The following SSH2 variants were observed in gnomAD, a reference collection of about 807,000 sequenced individuals.
SSH2 encodes protein phosphatase Slingshot homolog 2.
In SSH2, 37 loss-of-function variants were observed where a neutral mutation model predicts 135.2. The ratio of observed to expected loss-of-function variants is 0.27; its 90% CI spans 0.21 to 0.36. The LOEUF is 0.36. Ranked by LOEUF, SSH2 falls within the 10% of genes least tolerant of loss-of-function variation. SSH2 has a pLI of 1.00. For missense variants in SSH2, 1,408 were observed against 1,765.3 expected, an observed-to-expected ratio of 0.80 and a Z score of 3.63; for synonymous variants, 628 against 646.2, an observed-to-expected ratio of 0.97 and a Z score of 0.43.
In SSH2 at chr17:29,753,813, C is replaced by G. The variant is rs530426883; in HGVS notation, c.188+40081G>C. On this transcript the variant is annotated intron_variant, in intron 3 of 15. Coordinates refer to ENST00000540801, the MANE Select transcript of SSH2 (RefSeq NM_001282129.2). Reference sequence around the variant, plus strand: ...GTCTGAAAAAAAAAAAAAAAAAGAACAAATTGGTAAAGTCTTTTTAGAAAG... The same window carrying G: ...GTCTGAAAAAAAAAAAAAAAAAGAAGAAATTGGTAAAGTCTTTTTAGAAAG... Among the ~76,000 whole-genome samples, 474 of 140,554 alleles carry G rather than the reference C, an allele frequency of 3.4e-3. 4 individuals are homozygous for G. The highest frequency in any genetic ancestry group is 0.012 in the African/African-American group (449 of 38,118). 92.2% of individuals were successfully genotyped at this position (140,554 alleles called of 152,430 possible).
At chr17:29,822,023 C>T (rs1306856938) in intron 2 of SSH2, among the ~76,000 whole-genome samples, 1 of 152,154 alleles carries the variant, frequency 6.6e-6, no homozygotes, top group Non-Finnish European at 1.5e-5. Context: ...TAAACAGTAA[C>T]CTGGGTCAAA....
chr17:29,669,678 G>A (rs187352722), intron 9 of SSH2, among the ~76,000 whole-genome samples: 5 of 152,116 alleles, frequency 3.3e-5, no homozygotes, highest in Non-Finnish European at 7.4e-5. Context: ...TTCTTTTTCC[G>A]TAAACAGACA....
chr17:29,780,816 T>G (rs1451402992), intron 3 of SSH2, among the ~76,000 whole-genome samples: 1 of 152,064 alleles, frequency 6.6e-6, no homozygotes, highest in Admixed American at 6.6e-5. Context: ...CCTCCCTTTT[T>G]TTATTTTTTA....
At chr17:29,752,994 T>A (rs2040998757) in intron 3 of SSH2, among the ~76,000 whole-genome samples, 1 of 152,182 alleles carries the variant, frequency 6.6e-6, no homozygotes, top group Non-Finnish European at 1.5e-5. Context: ...TCAGACAAGT[T>A]AACCTCTCTG....
intron 3 of SSH2, among the ~76,000 whole-genome samples, chr17:29,756,967 T>C (rs980043657): frequency 6.6e-6 from 1 of 152,144 alleles, no homozygotes; most frequent in Non-Finnish European, 1.5e-5. Flanking sequence ...TTTCGTGGTT[T>C]CTAAACCCAC....
intron 3 of SSH2, among the ~76,000 whole-genome samples, chr17:29,779,370 C>T (rs182140937): frequency 2.4e-4 from 37 of 152,242 alleles, no homozygotes; most frequent in Admixed American, 7.9e-4. Context: ...ACCATCCCAG[C>T]GAGGCTACTC....
In SSH2 at chr17:29,631,273, G is replaced by A. The variant is rs776540212; in HGVS notation, c.3921C>T (p.Ser1307=). 32 of 1,614,016 alleles carry A rather than the reference G, an allele frequency of 2.0e-5. No individual in the cohort carries two copies. Among genetic ancestry groups the A allele is most frequent in the Non-Finnish European group, 2.7e-5 (32 of 1,180,052 alleles). ...KDCLPEREPA[S]CESPHLKLLQ... ...GCAGTTTGAGATGAGGGGATTCACA[G>A]GAGGCAGGCTCCCTCTCTGGTAAGC... The change falls in exon 16 of 16, where the codon TCC becomes TCT. Residue 1307 remains serine (S), a synonymous_variant. Transcript: ENST00000540801.
intron 1 of SSH2, among the ~76,000 whole-genome samples, chr17:29,892,733 G>A (rs2066373357): frequency 6.6e-6 from 1 of 152,044 alleles, no homozygotes; most frequent in Non-Finnish European, 1.5e-5. Context: ...AGAGCTCACT[G>A]TAATATTATC....
chr17:29,792,691 T>A (rs1238082958), intron 3 of SSH2, among the ~76,000 whole-genome samples: 1 of 152,254 alleles, frequency 6.6e-6, no homozygotes, highest in Admixed American at 6.5e-5. Context: ...TTGTTCTTGT[T>A]TTTGAGACGG....
intron 14 of SSH2, among the ~76,000 whole-genome samples, chr17:29,641,304 T>C (rs750753559): frequency 6.6e-6 from 1 of 152,246 alleles, no homozygotes; most frequent in African/African-American, 2.4e-5. Flanking sequence ...CTGGTAGGAA[T>C]AGATGTAATG....
chr17:29,698,755 C>T (rs1335391823), intron 4 of SSH2, among the ~76,000 whole-genome samples: 1 of 152,136 alleles, frequency 6.6e-6, no homozygotes, highest in East Asian at 1.9e-4. Context: ...CCTCGGCCTC[C>T]CAAAATGCTG....
At chr17:29,705,928 ATACCTGTTGTGGT>A (rs1567899521) in intron 3 of SSH2, among the ~76,000 whole-genome samples, 1 of 152,194 alleles carries the variant, frequency 6.6e-6, no homozygotes, top group Non-Finnish European at 1.5e-5. Context: ...ATTTAGGTGT[ATACCTGTTGTGGT>A]TACCTTCCTA....
At chr17:29,739,728 AT>A (rs1567934529) in intron 3 of SSH2, among the ~76,000 whole-genome samples, 1 of 152,152 alleles carries the variant, frequency 6.6e-6, no homozygotes, top group Non-Finnish European at 1.5e-5. Context: ...CCTGAATCTA[AT>A]CTAATTGACT....
chr17:29,680,792 T>A (rs1475010811), intron 6 of SSH2, among the ~76,000 whole-genome samples: 1 of 152,080 alleles, frequency 6.6e-6, no homozygotes, highest in Non-Finnish European at 1.5e-5. Context: ...AGTTTTACAG[T>A]AGCTTTTTGT....
chr17:29,848,922 T>G lies in SSH2; in HGVS notation c.71A>C (p.His24Pro). 1.3e-6 allele frequency: 2 copies of G among 1,533,856 alleles called. No individual in the cohort carries two copies. Among genetic ancestry groups the G allele is most frequent in the Non-Finnish European group, 1.7e-6 (2 of 1,145,328 alleles). Residue 24 changes from histidine (H) to proline (P), a missense_variant, in exon 2 of 16, where the codon CAT (histidine) becomes CCT (proline). By Grantham distance (77) the His-to-Pro change is moderately conservative. Around this residue, in one of 3 missense-constraint regions of SSH2, gnomAD observed 222 missense variants for 355.6 expected, o/e 0.62. Transcript: ENST00000540801. ...TGCTGCTGATTCACTGTCTTCCAAA[T>G]GAGAGCTCTGTAATACAAACAAGAT... ...TTSSPCASSS[H>P]LEDSESAALL...
chr17:29,878,042 G>A (rs1160400496), intron 1 of SSH2, among the ~76,000 whole-genome samples: 11 of 152,072 alleles, frequency 7.2e-5, no homozygotes, highest in African/African-American at 2.4e-4. Context: ...CCAAGATCAT[G>A]CCACTGCACT....
chr17:29,833,131 G>A (rs2151366190), intron 2 of SSH2, among the ~76,000 whole-genome samples: 1 of 152,346 alleles, frequency 6.6e-6, no homozygotes, highest in East Asian at 1.9e-4. Flanking sequence ...GATTAGGTCT[G>A]CTGTTTCTTT....
rs1319841639 is a variant in SSH2 at position 29,632,044 on chromosome 17, G to A, written c.3150C>T (p.His1050=). Residue 1050 remains histidine (H), a synonymous_variant, in exon 16 of 16, where the codon CAC becomes CAT. Transcript: ENST00000540801. ...EYTHIVTSPN[H]TGPGSEIATS... is the part of the protein sequence containing the mutation. ...TGGCTATTTCACTCCCTGGCCCAGT[G>A]TGATTGGGTGATGTAACTATGTGGG... The A allele has an allele frequency of 6.2e-7, 1 of 1,614,226 alleles. No homozygotes were observed. The highest frequency in any genetic ancestry group is 8.5e-7 in the Non-Finnish European group (1 of 1,180,034).
chr17:29,889,205 G>C (rs769901404), intron 1 of SSH2, among the ~76,000 whole-genome samples: 1 of 152,182 alleles, frequency 6.6e-6, no homozygotes, highest in African/African-American at 2.4e-5. Flanking sequence ...CCAGCACTTT[G>C]GGGGGCCAAG....
Sources: allele counts gnomAD v4.1 joint callset (sites outside exome capture counted in the v4.1 genomes callset), GRCh38; gene constraint gnomAD v4.1.1; regional missense constraint gnomAD v4.1.1; transcripts MANE v1.5; gene names NCBI Gene and HGNC (gene_info 2026-07-23, HGNC 2026-07-21).